Variants in KIT observed in about 807,000 individuals in gnomAD.
KIT encodes mast/stem cell growth factor receptor Kit.
Under a neutral mutation model 105.7 loss-of-function variants are expected in KIT, and 16 were observed. The observed-to-expected ratio is 0.15, with a 90% CI of 0.10 to 0.23. The LOEUF (loss-of-function observed/expected upper bound fraction) is 0.23. Ranked by LOEUF, KIT falls within the 10% of genes least tolerant of loss-of-function variation. The pLI is 1.00. For missense variants in KIT, 858 were observed against 1,213.8 expected (o/e 0.71, Z 4.36); for synonymous variants, 438 against 441.1 (o/e 0.99, Z 0.09).
At chr4:54,668,330 T>C (rs1287874099) in intron 1 of KIT, among the ~76,000 whole-genome samples, 1 of 152,048 alleles carries the variant, frequency 6.6e-6, no homozygotes, top group Non-Finnish European at 1.5e-5. Flanking sequence ...CTTGACCAAG[T>C]AGAAAAAAGA....
intron 5 of KIT, among the ~76,000 whole-genome samples, chr4:54,705,348 T>A (rs1720719150): frequency 6.6e-6 from 1 of 152,174 alleles, no homozygotes; most frequent in African/African-American, 2.4e-5. Flanking sequence ...AACAGAAAAG[T>A]AATTTTTTAG....
intron 9 of KIT, among the ~76,000 whole-genome samples, chr4:54,726,780 TG>T (rs1000428398): frequency 1.3e-5 from 2 of 148,626 alleles, no homozygotes; most frequent in African/African-American, 2.5e-5. Flanking sequence ...ACCTTAAAAA[TG>T]TTTTTTTTTT....
chr4:54,720,460 G>C (rs1484252204), intron 7 of KIT, among the ~76,000 whole-genome samples: 2 of 152,208 alleles, frequency 1.3e-5, no homozygotes, highest in African/African-American at 4.8e-5. Context: ...TTGGATGTTA[G>C]AGCATACTTG....
At chr4:54,731,266 C>T (rs1722574142) in intron 14 of KIT, 62 bp from the exon 15 acceptor site, 2 of 1,096,226 alleles carry the variant, frequency 1.8e-6, no homozygotes, top group Admixed American at 1.7e-5. Context: ...TAGAGCATGA[C>T]CCATGAGTGC....
In KIT at chr4:54,673,514, A is replaced by G. The variant is rs148864132; in HGVS notation, c.67+15433A>G. Among the ~76,000 whole-genome samples the G allele has an allele frequency of 3.3e-3, 500 of 152,154 alleles. 4 individuals are homozygous for G. Among genetic ancestry groups the G allele is most frequent in the African/African-American group, 0.011 (474 of 41,544 alleles). The stretch of plus-strand genomic sequence containing the variant: ...CATTTTTAAATCTTCATTTTCTTCA[A>G]TCAACTCATTTCTGAGTTTTAAAAA... On this transcript the variant is annotated intron_variant, in intron 1 of 20. Coordinates refer to ENST00000288135, the MANE Select transcript of KIT (RefSeq NM_000222.3).
At chr4:54,705,539 T>G (rs1382572387) in intron 5 of KIT, among the ~76,000 whole-genome samples, 1 of 152,220 alleles carries the variant, frequency 6.6e-6, no homozygotes, top group Non-Finnish European at 1.5e-5. Context: ...GTATTCATCA[T>G]CTCACAAAGT....
At chr4:54,665,914 G>C (rs749593078) in intron 1 of KIT, among the ~76,000 whole-genome samples, 5 of 152,184 alleles carry the variant, frequency 3.3e-5, no homozygotes, top group Non-Finnish European at 7.3e-5. Context: ...TATGTTAACT[G>C]TGAACCAGTC....
chr4:54,733,099 T>C lies in KIT; in HGVS notation c.2391T>C (p.Asn797=). 6.2e-7 allele frequency: 1 copy of C among 1,612,224 alleles called. No individual in the cohort carries two copies. Among genetic ancestry groups the C allele is most frequent in the Non-Finnish European group, 8.5e-7 (1 of 1,178,468 alleles). The part of the protein sequence containing the change: ...NCIHRDLAAR[N]ILLTHGRITK... ...TTCACAGAGACTTGGCAGCCAGAAATATCCTCCTTACTCATGGTCGGATCA... is the reference window on the plus strand; with the variant it reads ...TTCACAGAGACTTGGCAGCCAGAAACATCCTCCTTACTCATGGTCGGATCA... Residue 797 remains asparagine, a synonymous_variant, in exon 17 of 21, where the codon AAT becomes AAC. Coordinates refer to ENST00000288135, the MANE Select transcript of KIT (RefSeq NM_000222.3).
intron 7 of KIT, among the ~76,000 whole-genome samples, chr4:54,717,997 A>G (rs1413277508): frequency 6.6e-6 from 1 of 152,162 alleles, no homozygotes; most frequent in African/African-American, 2.4e-5. Flanking sequence ...TCATTTTTCA[A>G]CGTAATCTCG....
At position 54,661,465 on chromosome 4, in the gene KIT, A is replaced by G. The variant is rs115574242; in HGVS notation, c.67+3384A>G. ...GCTGATTAAAGAAGGACACGAGGAA[A>G]TGAACCTCGGTGTCTCTAGCGGAAT... On this transcript the variant is annotated intron_variant, in intron 1 of 20. Coordinates refer to ENST00000288135, the MANE Select transcript of KIT (RefSeq NM_000222.3). Among the ~76,000 whole-genome samples the G allele has an allele frequency of 3.4e-3, 520 of 152,346 alleles. 4 individuals carry two copies. Among genetic ancestry groups the G allele is most frequent in the African/African-American group, 0.012 (502 of 41,584 alleles).
intron 1 of KIT, among the ~76,000 whole-genome samples, chr4:54,691,904 G>T (rs1374335702): frequency 6.6e-6 from 1 of 152,126 alleles, no homozygotes; most frequent in African/African-American, 2.4e-5. Context: ...CCGAGAGGGG[G>T]AAGTCAGGTA....
chr4:54,680,808 C>T (rs1718856036), intron 1 of KIT, among the ~76,000 whole-genome samples: 1 of 152,110 alleles, frequency 6.6e-6, no homozygotes, highest in Non-Finnish European at 1.5e-5. Flanking sequence ...TATTGGAGCG[C>T]CTAGCTCACA....
chr4:54,708,772 C>T (rs1181087403), intron 6 of KIT, among the ~76,000 whole-genome samples: 2 of 151,872 alleles, frequency 1.3e-5, no homozygotes, highest in Non-Finnish European at 2.9e-5. Context: ...TCGTGTGGGT[C>T]GTGGACTGCC....
At chr4:54,737,722 GC>G (rs1272077138) in intron 20 of KIT, among the ~76,000 whole-genome samples, 1 of 152,164 alleles carries the variant, frequency 6.6e-6, no homozygotes, top group African/African-American at 2.4e-5. Flanking sequence ...AACAAGCATA[GC>G]CAGAAAATGG....
chr4:54,723,631 C>T lies in KIT; in HGVS notation c.1279C>T (p.Gln427Ter), dbSNP rs1306680919. The T allele has an allele frequency of 6.2e-7, 1 of 1,614,088 alleles. No individual in the cohort carries two copies. Among genetic ancestry groups the T allele is most frequent in the Non-Finnish European group, 8.5e-7 (1 of 1,179,998 alleles). The change falls in exon 8 of 21, where the codon CAA becomes TAA. Residue 427 changes from glutamine (Q) to a stop codon, truncating the protein, a stop_gained. Coordinates refer to ENST00000288135, the MANE Select transcript of KIT (RefSeq NM_000222.3). LOFTEE classifies it high-confidence loss of function. ...TYDRLVNGML[Q>*]CVAAGFPEPT... ...CGACAGGCTCGTGAATGGCATGCTC[C>T]AATGTGTGGCAGCAGGATTCCCAGA...
In KIT at chr4:54,707,156, A is replaced by G. The variant is rs1278638661; in HGVS notation, c.984A>G (p.Gly328=). The G allele has an allele frequency of 1.3e-6, 2 of 1,586,202 alleles. No homozygotes were observed. Among genetic ancestry groups the G allele is most frequent in the Non-Finnish European group, 8.7e-7 (1 of 1,154,724 alleles). The stretch of plus-strand genomic sequence containing the variant: ...ACACTACAGTATTTGTAAACGATGG[A>G]GAAAATGTAGATTTGATTGTTGAAT... ...MINTTVFVND[G]ENVDLIVEYE... The change falls in exon 6 of 21, where the codon GGA becomes GGG. Residue 328 remains glycine, a synonymous_variant. Coordinates refer to ENST00000288135, the MANE Select transcript of KIT (RefSeq NM_000222.3).
chr4:54,693,642 T>C (rs984241171), intron 1 of KIT, among the ~76,000 whole-genome samples: 2 of 152,074 alleles, frequency 1.3e-5, no homozygotes, highest in Admixed American at 1.3e-4. Context: ...TCACCCATCC[T>C]GAACTTGTGT....
chr4:54,723,004 C>T (rs1390970746), intron 7 of KIT, among the ~76,000 whole-genome samples: 1 of 151,256 alleles, frequency 6.6e-6, no homozygotes, highest in East Asian at 1.9e-4. Flanking sequence ...AAGTAAAGCC[C>T]ATATTGTATT....
At chr4:54,685,886 G>T (rs572768991) in intron 1 of KIT, among the ~76,000 whole-genome samples, 23 of 152,096 alleles carry the variant, frequency 1.5e-4, no homozygotes, top group Non-Finnish European at 2.4e-4. Flanking sequence ...TTCTCCACTT[G>T]CCCACTGCCT....
Sources: gnomAD v4.1 joint callset for allele counts (sites outside exome capture counted in the v4.1 genomes callset) on GRCh38, gnomAD v4.1.1 for gene constraint, MANE v1.5 for transcripts, NCBI Gene and HGNC (gene_info 2026-07-23, HGNC 2026-07-21) for gene names.